The following DDX10 variants were observed in gnomAD, a reference collection of about 807,000 sequenced individuals.
The protein encoded by DDX10 is probable ATP-dependent RNA helicase DDX10.
A neutral mutation model predicts 104.3 loss-of-function variants in DDX10; 74 were observed. The ratio of observed to expected loss-of-function variants is 0.71; its 90% CI spans 0.59 to 0.86. The LOEUF is 0.86. DDX10 is among the 40% of genes least tolerant of loss of function. DDX10 has a pLI of 0.00. For missense variants in DDX10, 952 were observed against 1,040.0 expected, an observed-to-expected ratio of 0.92 and a Z score of 1.16; for synonymous variants, 351 against 353.4, an observed-to-expected ratio of 0.99 and a Z score of 0.08.
At chr11:108,847,789 G>A (rs912267449) in intron 15 of DDX10, among the ~76,000 whole-genome samples, 3 of 152,114 alleles carry the variant, frequency 2.0e-5, no homozygotes, top group Non-Finnish European at 2.9e-5. Context: ...TACATGTATC[G>A]TCATATTATA....
intron 13 of DDX10, among the ~76,000 whole-genome samples, chr11:108,738,329 A>G (rs2615736): frequency 0.12 from 18,440 of 150,360 alleles, 1,530 homozygotes; most frequent in East Asian, 0.27. Flanking sequence ...TCCTCTTAAG[A>G]GTTTTTTAAG....
At chr11:108,707,950 T>C (rs1246583409) in intron 10 of DDX10, among the ~76,000 whole-genome samples, 4 of 152,198 alleles carry the variant, frequency 2.6e-5, no homozygotes, top group African/African-American at 9.7e-5. Context: ...GCTATAAACA[T>C]CCATGTGAAG....
chr11:108,876,090 G>A (rs1190637355), intron 16 of DDX10, among the ~76,000 whole-genome samples: 1 of 152,022 alleles, frequency 6.6e-6, no homozygotes, highest in Non-Finnish European at 1.5e-5. Flanking sequence ...GAAATATTAG[G>A]TCGAATCTTT....
intron 13 of DDX10, among the ~76,000 whole-genome samples, chr11:108,781,067 C>T (rs2094377495): frequency 6.6e-6 from 1 of 152,092 alleles, no homozygotes; most frequent in South Asian, 2.1e-4. Flanking sequence ...TCACTCCTTC[C>T]CCTTTCTAGT....
chr11:108,847,440 C>T (rs770489133), intron 15 of DDX10, among the ~76,000 whole-genome samples: 28 of 152,210 alleles, frequency 1.8e-4, no homozygotes, highest in Non-Finnish European at 1.0e-4. Context: ...CCTTGAAATT[C>T]GAGTGCTTTA....
intron 13 of DDX10, among the ~76,000 whole-genome samples, chr11:108,732,466 C>T (rs1023151717): frequency 1.3e-5 from 2 of 152,118 alleles, no homozygotes; most frequent in African/African-American, 2.4e-5. Flanking sequence ...TCATTGTGTG[C>T]GCACACTTGG....
intron 13 of DDX10, among the ~76,000 whole-genome samples, chr11:108,728,024 A>C (rs549717123): frequency 6.6e-6 from 1 of 152,086 alleles, no homozygotes; most frequent in African/African-American, 2.4e-5. Flanking sequence ...AGTTGGGGGA[A>C]AAAAGTCCTA....
At chr11:108,928,397 T>C (rs1283555169) in intron 17 of DDX10, among the ~76,000 whole-genome samples, 5 of 152,208 alleles carry the variant, frequency 3.3e-5, no homozygotes, top group African/African-American at 1.2e-4. Context: ...GTGTGAGATA[T>C]GAATTACATG....
At chr11:108,716,409 T>C (rs1218642437) in intron 11 of DDX10, among the ~76,000 whole-genome samples, 1 of 152,202 alleles carries the variant, frequency 6.6e-6, no homozygotes, top group African/African-American at 2.4e-5. Context: ...TCTAGCTTAT[T>C]CTTTAAAATT....
At chr11:108,732,802 G>A (rs985170788) in intron 13 of DDX10, among the ~76,000 whole-genome samples, 4 of 152,186 alleles carry the variant, frequency 2.6e-5, no homozygotes, top group Admixed American at 2.6e-4. Context: ...TTGACCTCCA[G>A]GGAGACAGTG....
chr11:108,890,398 T>A (rs1442935553), intron 16 of DDX10, among the ~76,000 whole-genome samples: 1 of 152,114 alleles, frequency 6.6e-6, no homozygotes, highest in African/African-American at 2.4e-5. Context: ...TGTAGTAGGA[T>A]TTATCAGTGG....
chr11:108,698,844 C>T (rs2094263481), intron 9 of DDX10, among the ~76,000 whole-genome samples: 1 of 152,234 alleles, frequency 6.6e-6, no homozygotes, highest in Non-Finnish European at 1.5e-5. Flanking sequence ...GTTCTCTATG[C>T]TCCGTACTGG....
chr11:108,666,188 G>A (rs899070174), intron 1 of DDX10, among the ~76,000 whole-genome samples: 4 of 152,118 alleles, frequency 2.6e-5, no homozygotes, highest in Non-Finnish European at 5.9e-5. Flanking sequence ...TTAACAGATG[G>A]AACATTCTTG....
rs373114834 is a variant in DDX10, at chr11:108,723,169, A to G, written c.1672A>G (p.Ile558Val). ...AGCCTACTTCAATGAGAAAATGTCC[A>G]TCCTTCAAAAAGGTGGAAAAAGACT... Reference protein sequence around the residue: ...FRAYFNEKMSILQKGGKRLEG... With the variant: ...FRAYFNEKMSVLQKGGKRLEG... The change falls in exon 13 of 18, where the codon ATC becomes GTC. Residue 558 changes from isoleucine to valine, a missense_variant. Ile to Val is a conservative substitution (Grantham distance 29). Transcript: ENST00000322536. 1.5e-5 allele frequency: 25 copies of G among 1,613,778 alleles called. No homozygotes were observed. The highest frequency in any genetic ancestry group is 2.2e-5 in the East Asian group (1 of 44,832).
chr11:108,691,853 T>C, intron 7 of DDX10, 23 bp from the exon 8 acceptor site: 2 of 1,603,674 alleles, frequency 1.2e-6, no homozygotes, highest in South Asian at 1.1e-5. Context: ...ATAAGCAAAC[T>C]TATTCTTCTG....
intron 14 of DDX10, among the ~76,000 whole-genome samples, chr11:108,840,288 G>T (rs780083043): frequency 1.3e-5 from 2 of 152,216 alleles, no homozygotes; most frequent in Non-Finnish European, 2.9e-5. Context: ...GGTGGCCACA[G>T]AGTGAGAGAG....
intron 16 of DDX10, among the ~76,000 whole-genome samples, chr11:108,875,158 C>T (rs1297327799): frequency 6.6e-6 from 1 of 152,090 alleles, no homozygotes; most frequent in South Asian, 2.1e-4. Flanking sequence ...ATGAAGCCTG[C>T]GTTACTGTGT....
At chr11:108,937,486 G>T (rs1380102763) in intron 17 of DDX10, among the ~76,000 whole-genome samples, 7 of 152,114 alleles carry the variant, frequency 4.6e-5, no homozygotes, top group Non-Finnish European at 1.0e-4. Context: ...TTTTAAAATT[G>T]AATTCACATT....
intron 13 of DDX10, among the ~76,000 whole-genome samples, chr11:108,725,758 G>A (rs540474807): frequency 1.3e-5 from 2 of 151,870 alleles, no homozygotes; most frequent in South Asian, 2.1e-4. Context: ...TTTATTTTGA[G>A]TGTCTGGCAA....
Sources: allele counts gnomAD v4.1 joint callset (sites outside exome capture counted in the v4.1 genomes callset), GRCh38; gene constraint gnomAD v4.1.1; transcripts MANE v1.5; gene names NCBI Gene and HGNC (gene_info 2026-07-23, HGNC 2026-07-21).